ATM: variants seen among roughly 807,000 people sequenced by gnomAD.
ATM encodes ATM serine/threonine kinase.
A neutral mutation model predicts 387.0 loss-of-function variants in ATM; 308 were observed. The ratio of observed to expected loss-of-function variants is 0.80; its 90% CI spans 0.73 to 0.87. The LOEUF (loss-of-function observed/expected upper bound fraction) is 0.87. Ranked by LOEUF, ATM falls within the 40% of genes least tolerant of loss-of-function variation. ATM has a pLI of 0.00. For synonymous variants in ATM, 1,156 were observed against 1,187.3 expected (o/e 0.97, Z 0.54); for missense variants, 3,312 against 3,560.9 (o/e 0.93, Z 1.78).
rs982008501 is a variant in ATM, at chr11:108,289,746, T to A, written c.4381T>A (p.Trp1461Arg). ...TATAAAAAGTGGCTTAGGAGGAGCTTGGGCCTTTGTTCTTCGAGACGTTAT... is the reference window on the plus strand; with the variant it reads ...TATAAAAAGTGGCTTAGGAGGAGCTAGGGCCTTTGTTCTTCGAGACGTTAT... ...KDIKSGLGGA[W>R]AFVLRDVIYT... The change falls in exon 29 of 63, where the codon TGG (tryptophan) becomes AGG (arginine). Residue 1461 changes from tryptophan (W) to arginine (R), a missense_variant. Physicochemically the swap from Trp to Arg is moderately radical, Grantham distance 101 (BLOSUM62 -3). Transcript: ENST00000675843. The A allele has an allele frequency of 6.2e-7, 1 of 1,613,772 alleles. No individual in the cohort carries two copies. The highest frequency in any genetic ancestry group is 8.5e-7 in the Non-Finnish European group (1 of 1,179,986).
intron 43 of ATM, 65 bp from the exon 44 acceptor site, chr11:108,319,889 A>G: frequency 1.7e-6 from 2 of 1,158,442 alleles, no homozygotes; most frequent in East Asian, 4.7e-5. Context: ...TGGTGAAGCT[A>G]TTTATACATG....
rs576277119 is a variant in ATM, at chr11:108,276,938, G to T, written c.3285-2553G>T. Among the ~76,000 whole-genome samples the T allele has an allele frequency of 7.2e-5, 11 of 152,282 alleles. No individual in the cohort carries two copies. In the East Asian group the frequency reaches 2.1e-3, roughly 29 times the overall value. ...CTCTTCAGAGCTGGCAGGCAGGAAC[G>T]TTTAAGTCCGCTGAAGCTGTGCCCA... On this transcript the variant is annotated intron_variant, in intron 22 of 62. Transcript: ENST00000675843.
At chr11:108,242,146 G>C (rs1258339789) in intron 5 of ATM, among the ~76,000 whole-genome samples, 1 of 151,830 alleles carries the variant, frequency 6.6e-6, no homozygotes, top group African/African-American at 2.4e-5. Flanking sequence ...AAAAAAAAGA[G>C]GACCAAAGTT....
intron 40 of ATM, among the ~76,000 whole-genome samples, chr11:108,314,473 A>C (rs2084442583): frequency 6.6e-6 from 1 of 150,628 alleles, no homozygotes; most frequent in Non-Finnish European, 1.5e-5. Context: ...TTTTTATGTG[A>C]TATAAGCCTG....
intron 57 of ATM, 61 bp downstream of exon 57, chr11:108,343,432 C>T (rs2136959564): frequency 6.3e-7 from 1 of 1,587,160 alleles, no homozygotes; most frequent in Non-Finnish European, 8.6e-7. Flanking sequence ...TTAAAGCTGA[C>T]AGCTGTCAGA....
rs573865420 is a variant in ATM at position 108,246,051 on chromosome 11, T to C, written c.902-913T>C. The stretch of plus-strand genomic sequence containing the variant: ...GTTGGCCAAGCTGGCCTTGAGCTCC[T>C]GACCTCAAACCATCCACCCGCCTCA... On this transcript the variant is annotated intron_variant, in intron 7 of 62. Transcript: ENST00000675843. 2.0e-5 allele frequency among the ~76,000 whole-genome samples: 3 copies of C among 152,184 alleles called. No individual in the cohort carries two copies. In the South Asian group the frequency reaches 6.2e-4, roughly 32 times the overall value.
At chr11:108,319,818 C>T in intron 43 of ATM, 136 bp from the exon 44 acceptor site, 1 of 653,820 alleles carries the variant, frequency 1.5e-6, no homozygotes, top group Non-Finnish European at 2.7e-6. Context: ...TATTTCTTAC[C>T]AAAAATTCTA....
chr11:108,281,218 A>G, intron 24 of ATM, 50 bp downstream of exon 24: 1 of 1,581,216 alleles, frequency 6.3e-7, no homozygotes, highest in East Asian at 2.2e-5. Flanking sequence ...TCACTGTGAA[A>G]TAATTTAAAA....
chr11:108,353,636 A>G (rs931222013), intron 59 of ATM, 130 bp from the exon 60 acceptor site: 2 of 743,626 alleles, frequency 2.7e-6, no homozygotes, highest in East Asian at 5.2e-5. Flanking sequence ...GAAGTAAACT[A>G]CTGTACATAC....
At chr11:108,321,970 C>A (rs751754890) in intron 45 of ATM, among the ~76,000 whole-genome samples, 2 of 152,008 alleles carry the variant, frequency 1.3e-5, no homozygotes, top group African/African-American at 4.8e-5. Flanking sequence ...TTTCCCTGGC[C>A]TACCAAGATA....
At chr11:108,335,286 T>TG in intron 55 of ATM, 177 bp downstream of exon 55, 1 of 1,515,840 alleles carries the variant, frequency 6.6e-7, no homozygotes, top group Non-Finnish European at 8.8e-7. Context: ...CCATTTTTTT[T>TG]GTGTCTCTGA....
chr11:108,280,729 T>C (rs1211351666), intron 23 of ATM, among the ~76,000 whole-genome samples: 2 of 152,232 alleles, frequency 1.3e-5, no homozygotes, highest in Non-Finnish European at 2.9e-5. Flanking sequence ...CAGAATGTTA[T>C]AGATCTGTGT....
Position 108,354,884 on chromosome 11 carries a change from T to C in ATM, c.8850+10T>C, listed in dbSNP as rs762487236. On this transcript the variant is annotated intron_variant, in intron 61 of 62. Coordinates refer to ENST00000675843, the MANE Select transcript of ATM (RefSeq NM_000051.4). ...GTTAACCATTGTAGAGGTAAAGTAT[T>C]TTATAAGGAAGACTTTATTTTTTTT... The C allele has an allele frequency of 1.3e-5, 21 of 1,607,378 alleles. No homozygotes were observed. In the Admixed American group the frequency reaches 2.0e-4, roughly 15 times the overall value.
At chr11:108,344,982 G>A (rs1213753348) in intron 57 of ATM, among the ~76,000 whole-genome samples, 3 of 151,878 alleles carry the variant, frequency 2.0e-5, no homozygotes, top group African/African-American at 7.3e-5. Flanking sequence ...CAGTCCAGGT[G>A]ACAGAGACCC....
intron 15 of ATM, 80 bp from the exon 16 acceptor site, chr11:108,258,906 A>G: frequency 2.6e-6 from 3 of 1,144,156 alleles, no homozygotes; most frequent in Non-Finnish European, 3.9e-6. Context: ...CATTCCATTC[A>G]AGATAGAGAA....
rs2135831995 is a variant in ATM, at chr11:108,294,878, A to G, written c.4777-49A>G. On this transcript the variant is annotated intron_variant, in intron 31 of 62. Coordinates refer to ENST00000675843, the MANE Select transcript of ATM (RefSeq NM_000051.4). ...TTTTTCTTTTATTAAGTTTTATTTC[A>G]CAGGCTTAACCAATACGTGTTAAAA... 3 of 1,607,024 alleles carry G rather than the reference A, an allele frequency of 1.9e-6. No individual in the cohort carries two copies. In the South Asian group the frequency reaches 3.3e-5, roughly 18 times the overall value.
chr11:108,262,511 A>G (rs1302016944), intron 16 of ATM, among the ~76,000 whole-genome samples: 1 of 152,252 alleles, frequency 6.6e-6, no homozygotes, highest in Admixed American at 6.5e-5. Flanking sequence ...AACAACCGGT[A>G]CCAGCCGCTG....
intron 38 of ATM, among the ~76,000 whole-genome samples, chr11:108,309,604 G>A (rs2083973367): frequency 6.6e-6 from 1 of 152,120 alleles, no homozygotes; most frequent in African/African-American, 2.4e-5. Flanking sequence ...TACAATGCTA[G>A]TTTTGAAAAA....
chr11:108,259,496 A>T (rs944866477), intron 16 of ATM, among the ~76,000 whole-genome samples: 1 of 152,202 alleles, frequency 6.6e-6, no homozygotes, highest in Non-Finnish European at 1.5e-5. Context: ...AAAAATAAAA[A>T]AATTTAAAAA....
Sources: gnomAD v4.1 joint callset for allele counts (sites outside exome capture counted in the v4.1 genomes callset) on GRCh38, gnomAD v4.1.1 for gene constraint, MANE v1.5 for transcripts, NCBI Gene and HGNC (gene_info 2026-07-23, HGNC 2026-07-21) for gene names.